SUPT16H: variants seen among roughly 807,000 people sequenced by gnomAD.
SUPT16H encodes FACT complex subunit SPT16.
Under a neutral mutation model 136.2 loss-of-function variants are expected in SUPT16H, and 24 were observed. That is an observed-to-expected ratio of 0.18 (90% CI 0.13 to 0.25). SUPT16H has a LOEUF of 0.25. SUPT16H is among the 10% of genes least tolerant of loss of function. The pLI is 1.00. For synonymous variants in SUPT16H, 415 were observed against 428.2 expected, an observed-to-expected ratio of 0.97 and a Z score of 0.38; for missense variants, 623 against 1,270.2, an observed-to-expected ratio of 0.49 and a Z score of 7.74.
chr14:21,373,823 G>A (rs1318091748), intron 1 of SUPT16H, among the ~76,000 whole-genome samples: 5 of 152,166 alleles, frequency 3.3e-5, no homozygotes, highest in Admixed American at 6.5e-5. Context: ...CGCCTCCTGG[G>A]TTCAAGCAAT....
rs1886471233 is a variant in SUPT16H, at chr14:21,357,986, A to G, written c.2431T>C (p.Tyr811His). The G allele has an allele frequency of 6.2e-7, 1 of 1,613,602 alleles. No individual in the cohort carries two copies. Among genetic ancestry groups the G allele is most frequent in the African/African-American group, 1.3e-5 (1 of 74,896 alleles). ...GGCTGAAGGAGGCAGGTACTCCTAT[A>G]GGGAGCTCCGTTAAATCTGGAAGAG... ...FRDLGFNGAP[Y>H]RSTCLLQPTS... The change falls in exon 21 of 26, where the codon TAT becomes CAT. Residue 811 changes from tyrosine (Y) to histidine (H), a missense_variant. Coordinates refer to ENST00000216297, the MANE Select transcript of SUPT16H (RefSeq NM_007192.4).
intron 1 of SUPT16H, 58 bp downstream of exon 1, chr14:21,383,802 CAG>C: frequency 1.3e-6 from 2 of 1,592,892 alleles, no homozygotes; most frequent in African/African-American, 1.3e-5. Flanking sequence ...CGCCGAGAAA[CAG>C]GGTTATTATG....
At chr14:21,353,461 A>T in intron 25 of SUPT16H, 27 bp downstream of exon 25, 1 of 1,604,156 alleles carries the variant, frequency 6.2e-7, no homozygotes, top group Non-Finnish European at 8.5e-7. Flanking sequence ...TAGACAAATG[A>T]ATAAAAAACA....
At chr14:21,370,189 A>G in intron 4 of SUPT16H, 147 bp downstream of exon 4, 1 of 1,160,678 alleles carries the variant, frequency 8.6e-7, no homozygotes, top group South Asian at 1.6e-5. Context: ...AAAAAAATAA[A>G]ACTGGCACAC....
At chr14:21,373,676 G>A (rs537926280) in intron 1 of SUPT16H, among the ~76,000 whole-genome samples, 2 of 152,256 alleles carry the variant, frequency 1.3e-5, no homozygotes, top group South Asian at 2.1e-4. Context: ...CAGGAACACA[G>A]ATCAGTGACA....
At chr14:21,357,459 A>C in intron 21 of SUPT16H, 93 bp from the exon 22 acceptor site, 1 of 1,294,610 alleles carries the variant, frequency 7.7e-7, no homozygotes, top group Non-Finnish European at 1.0e-6. Context: ...CACTACATAA[A>C]AGATAACTTA....
intron 1 of SUPT16H, among the ~76,000 whole-genome samples, chr14:21,381,038 C>T (rs996872182): frequency 6.6e-6 from 1 of 151,888 alleles, no homozygotes; most frequent in Non-Finnish European, 1.5e-5. Context: ...GCTGCAAATC[C>T]TTTCTGCTCT....
Position 21,352,774 on chromosome 14 carries a change from T to G in SUPT16H, c.3043A>C (p.Ser1015Arg), listed in dbSNP as rs773261513. Residue 1015 changes from serine to arginine, a missense_variant, in exon 26 of 26, where the codon AGT becomes CGT. Ser to Arg is a moderately radical substitution (Grantham distance 110, BLOSUM62 -1). Transcript: ENST00000216297. ...GATGCCTTCCTCTTCCGGCTCATAC[T>G]TCGACTTTGTTCTTCTTCTTCCTCG... The part of the protein sequence containing the change: ...RYEEEEEQSR[S>R]MSRKRKASVH... The G allele has an allele frequency of 5.0e-6, 8 of 1,613,944 alleles. No homozygotes were observed. The highest frequency in any genetic ancestry group is 6.8e-6 in the Non-Finnish European group (8 of 1,180,006).
rs545907448 is a variant in SUPT16H, at chr14:21,357,855, G to A, written c.2490+72C>T. The A allele has an allele frequency of 1.2e-3, 1,638 of 1,360,544 alleles. 2 individuals are homozygous for A. The highest frequency in any genetic ancestry group is 1.6e-3 in the Non-Finnish European group (1,561 of 964,064). 84.3% of individuals were successfully genotyped at this position (1,360,544 alleles called of 1,614,324 possible). A position where few individuals can be genotyped will look rare whatever the true frequency, so the allele number is the denominator to read the frequency against. On this transcript the variant is annotated intron_variant, in intron 21 of 25. Coordinates refer to ENST00000216297, the MANE Select transcript of SUPT16H (RefSeq NM_007192.4). ...TCAAAAATGAAAATGACAATAATTA[G>A]GATAAAAAACACCTATCCTTCTTTA...
intron 18 of SUPT16H, among the ~76,000 whole-genome samples, chr14:21,359,961 G>A (rs1192676768): frequency 6.6e-6 from 1 of 152,182 alleles, no homozygotes; most frequent in Non-Finnish European, 1.5e-5. Context: ...TAGATGCCAG[G>A]CCTTGTGGCC....
At chr14:21,362,154 CCAG>C in intron 15 of SUPT16H, 40 bp downstream of exon 15, 1 of 1,597,494 alleles carries the variant, frequency 6.3e-7, no homozygotes, top group Non-Finnish European at 8.5e-7. Context: ...GAGTACCACT[CCAG>C]ACAAGATGAA....
chr14:21,356,069 G>A (rs1269324304), intron 22 of SUPT16H, among the ~76,000 whole-genome samples: 1 of 152,214 alleles, frequency 6.6e-6, no homozygotes. Flanking sequence ...TATGCAGGGA[G>A]GGAGAATCCA....
rs762458697 is a variant in SUPT16H at position 21,353,574 on chromosome 14, AAATT to A, written c.2921-13_2921-10del. 2.3e-5 allele frequency: 37 copies of A among 1,613,138 alleles called. No homozygotes were observed. The highest frequency in any genetic ancestry group is 1.1e-4 in the South Asian group (10 of 90,806). On this transcript the variant is annotated splice_polypyrimidine_tract_variant and intron_variant, in intron 24 of 25. Transcript: ENST00000216297. ...TGACTCCTTAGAATAGTCTGGAAGA[AAATT>A]AATTAAGCGTTAGTCATCATGCGGG... is the stretch of plus-strand genomic sequence containing the variant.
intron 3 of SUPT16H, among the ~76,000 whole-genome samples, chr14:21,370,730 C>T (rs563968789): frequency 2.0e-5 from 3 of 152,190 alleles, no homozygotes; most frequent in South Asian, 2.1e-4. Context: ...CCTCCTGCCT[C>T]GGCCTCCCAA....
chr14:21,358,780 G>A (rs1456762079), intron 19 of SUPT16H, among the ~76,000 whole-genome samples: 2 of 152,132 alleles, frequency 1.3e-5, no homozygotes, highest in African/African-American at 4.8e-5. Flanking sequence ...GAGTTGCTCT[G>A]CACAAACAGA....
Position 21,369,739 on chromosome 14 carries a change from T to C in SUPT16H, c.630+11A>G. 6.2e-7 allele frequency: 1 copy of C among 1,613,922 alleles called. No individual in the cohort carries two copies. Among genetic ancestry groups the C allele is most frequent in the Non-Finnish European group, 8.5e-7 (1 of 1,179,886 alleles). ...TTAAAACAGTAAAAAGACCCTCTCA[T>C]CTCCATTTACCTCATCTGCATCAAC... On this transcript the variant is annotated intron_variant, in intron 5 of 25. Transcript: ENST00000216297.
chr14:21,369,056 TG>T, intron 6 of SUPT16H, 147 bp downstream of exon 6: 1 of 818,274 alleles, frequency 1.2e-6, no homozygotes, highest in Non-Finnish European at 1.8e-6. Flanking sequence ...ACCTGGGTGA[TG>T]GACACCCAAG....
chr14:21,357,487 T>C, intron 21 of SUPT16H, 121 bp from the exon 22 acceptor site: 1 of 1,105,936 alleles, frequency 9.0e-7, no homozygotes, highest in Non-Finnish European at 1.2e-6. Context: ...TTTTGGTTTT[T>C]TTTTTGAAAG....
At chr14:21,357,546 G>C (rs1451430242) in intron 21 of SUPT16H, among the ~76,000 whole-genome samples, 180 bp from the exon 22 acceptor site, 1 of 150,706 alleles carries the variant, frequency 6.6e-6, no homozygotes, top group Non-Finnish European at 1.5e-5. Context: ...GGATCTGCAA[G>C]ATACAAAAAT....
Sources: allele counts gnomAD v4.1 joint callset (sites outside exome capture counted in the v4.1 genomes callset), GRCh38; gene constraint gnomAD v4.1.1; transcripts MANE v1.5; gene names NCBI Gene and HGNC (gene_info 2026-07-23, HGNC 2026-07-21).